AFF3: variants seen among roughly 807,000 people sequenced by gnomAD.
AFF3 encodes the protein ALF transcription elongation factor 3.
AFF3 carries 32 observed loss-of-function variants against 129.7 expected under a neutral mutation model. The observed-to-expected ratio is 0.25, with a 90% confidence interval of 0.19 to 0.33. The LOEUF is 0.33. Ranked by LOEUF, AFF3 falls within the 10% of genes least tolerant of loss-of-function variation. AFF3 has a pLI of 1.00. For synonymous variants in AFF3, 644 were observed against 635.4 expected, an observed-to-expected ratio of 1.01 and a Z score of -0.20; for missense variants, 1,373 against 1,592.0, an observed-to-expected ratio of 0.86 and a Z score of 2.34.
chr2:99,602,369 C>T (rs1220707971), intron 13 of AFF3, among the ~76,000 whole-genome samples: 1 of 152,162 alleles, frequency 6.6e-6, no homozygotes, highest in Non-Finnish European at 1.5e-5. Flanking sequence ...CTGCATTTCA[C>T]ATTTATACTT....
rs1045126374 is a variant in AFF3 at position 99,550,195 on chromosome 2, A to G, written c.*1279T>C. 3.0e-5 allele frequency: 7 copies of G among 230,482 alleles called. No individual in the cohort carries two copies. Among genetic ancestry groups the G allele is most frequent in the Admixed American group, 5.7e-5 (1 of 17,674 alleles). The allele number at this position is 230,482 out of a possible 1,614,324, so 14.3% of individuals were successfully genotyped here. Reference sequence around the variant, plus strand: ...ACTAAAATGTAAACTTAATTAAAAAAAGAAAACAAGAGAAAAACTCAGAGC... The same window carrying G: ...ACTAAAATGTAAACTTAATTAAAAAGAGAAAACAAGAGAAAAACTCAGAGC... On this transcript the variant is annotated 3_prime_UTR_variant, in exon 25 of 25. Transcript: ENST00000672756.
chr2:100,022,810 T>C (rs1228633352), intron 4 of AFF3, among the ~76,000 whole-genome samples: 3 of 152,156 alleles, frequency 2.0e-5, no homozygotes, highest in African/African-American at 4.8e-5. Flanking sequence ...TGGAGATAAA[T>C]TTATTAATGT....
At chr2:99,770,939 G>T (rs1683426506) in intron 8 of AFF3, among the ~76,000 whole-genome samples, 1 of 152,136 alleles carries the variant, frequency 6.6e-6, no homozygotes, top group African/African-American at 2.4e-5. Context: ...TGGGAGCTTT[G>T]TTGCCTGGGT....
intron 13 of AFF3, among the ~76,000 whole-genome samples, chr2:99,642,119 G>A (rs372850831): frequency 4.6e-5 from 7 of 152,152 alleles, no homozygotes; most frequent in East Asian, 1.9e-4. Flanking sequence ...TCATGTCAAC[G>A]GTACGAAGCA....
intron 13 of AFF3, among the ~76,000 whole-genome samples, chr2:99,621,067 G>GT (rs1681955228): frequency 6.6e-6 from 1 of 152,118 alleles, no homozygotes; most frequent in African/African-American, 2.4e-5. Flanking sequence ...TTAACACACC[G>GT]TTTTTTAAAT....
At chr2:99,774,427 A>G (rs1683731608) in intron 8 of AFF3, among the ~76,000 whole-genome samples, 1 of 152,210 alleles carries the variant, frequency 6.6e-6, no homozygotes, top group Non-Finnish European at 1.5e-5. Flanking sequence ...GAGAACCCAG[A>G]AATAAGACCA....
At chr2:99,868,728 C>G (rs1691634484) in intron 7 of AFF3, among the ~76,000 whole-genome samples, 1 of 152,040 alleles carries the variant, frequency 6.6e-6, no homozygotes, top group Non-Finnish European at 1.5e-5. Context: ...TCACTGTGTT[C>G]TCTTTTGTAT....
intron 7 of AFF3, among the ~76,000 whole-genome samples, chr2:99,868,390 T>C (rs1200415367): frequency 2.0e-5 from 3 of 152,132 alleles, no homozygotes; most frequent in Non-Finnish European, 1.5e-5. Context: ...TGCAACCTAC[T>C]GAAATCCAAC....
At chr2:99,594,549 C>T (rs1425691946) in intron 14 of AFF3, among the ~76,000 whole-genome samples, 1 of 152,150 alleles carries the variant, frequency 6.6e-6, no homozygotes, top group Non-Finnish European at 1.5e-5. Context: ...ATAAGGAAAG[C>T]ATTGTGTCTC....
intron 7 of AFF3, among the ~76,000 whole-genome samples, chr2:99,930,470 G>A (rs1205064877): frequency 6.6e-6 from 1 of 152,176 alleles, no homozygotes; most frequent in Non-Finnish European, 1.5e-5. Context: ...TGTTTTGAGA[G>A]GAGAGAAGAA....
intron 7 of AFF3, among the ~76,000 whole-genome samples, chr2:99,848,009 C>T (rs936538614): frequency 2.6e-5 from 4 of 152,034 alleles, no homozygotes; most frequent in African/African-American, 9.7e-5. Flanking sequence ...AGGCTGGGTG[C>T]GGTGGCTCAT....
intron 4 of AFF3, among the ~76,000 whole-genome samples, chr2:100,065,024 C>G (rs555073950): frequency 6.6e-6 from 1 of 152,218 alleles, no homozygotes; most frequent in African/African-American, 2.4e-5. Context: ...AGTTCATAGA[C>G]AAGTTAACCT....
At chr2:100,061,354 T>A (rs1687255812) in intron 4 of AFF3, among the ~76,000 whole-genome samples, 2 of 152,026 alleles carry the variant, frequency 1.3e-5, no homozygotes. Context: ...CAAGTGACAG[T>A]GTACGGCCCT....
At chr2:99,718,958 A>G (rs1002417573) in intron 11 of AFF3, among the ~76,000 whole-genome samples, 3 of 151,322 alleles carry the variant, frequency 2.0e-5, no homozygotes, top group Admixed American at 6.6e-5. Flanking sequence ...CACCGTGTTA[A>G]GCCAGGATGG....
rs569350247 is a variant in AFF3 at position 99,794,143 on chromosome 2, T to C, written c.922-41842A>G. Among the ~76,000 whole-genome samples the C allele has an allele frequency of 2.0e-5, 3 of 152,354 alleles. No individual in the cohort carries two copies. The South Asian group carries it at 6.2e-4, about 32-fold the overall frequency. ...TCTGTATTTCAGTCCTTCTAATTTATTGAGATTGGTTTTATACCCAGAACA... is the reference window on the plus strand; with the variant it reads ...TCTGTATTTCAGTCCTTCTAATTTACTGAGATTGGTTTTATACCCAGAACA... On this transcript the variant is annotated intron_variant, in intron 8 of 24. Transcript: ENST00000672756.
chr2:100,102,484 TG>T (rs936011046), intron 4 of AFF3, among the ~76,000 whole-genome samples: 3 of 152,170 alleles, frequency 2.0e-5, no homozygotes, highest in African/African-American at 7.2e-5. Context: ...TGTAAGTTTT[TG>T]TTTTTTTTAA....
chr2:99,594,148 G>T lies in AFF3; in HGVS notation c.1513C>A (p.Gln505Lys). Reference sequence around the variant, plus strand: ...ACGTCGGGGACTTTCCCACAGTCCTGGACGTCCTCTTTCACCGGGTTGTAG... The same window carrying T: ...ACGTCGGGGACTTTCCCACAGTCCTTGACGTCCTCTTTCACCGGGTTGTAG... ...QYYNPVKEDV[Q>K]DCGKVPDVCQ... The change falls in exon 15 of 25, where the codon CAG becomes AAG. Residue 505 changes from glutamine to lysine, a missense_variant. This residue lies in a region of AFF3 where 413 missense variants were observed against 424.4 expected (regional missense o/e 0.97). Transcript: ENST00000672756. The T allele has an allele frequency of 6.2e-7, 1 of 1,614,112 alleles. No homozygotes were observed. Among genetic ancestry groups the T allele is most frequent in the Non-Finnish European group, 8.5e-7 (1 of 1,180,018 alleles).
intron 4 of AFF3, among the ~76,000 whole-genome samples, chr2:100,051,700 C>G (rs1686351723): frequency 1.3e-5 from 2 of 152,168 alleles, no homozygotes; most frequent in Admixed American, 1.3e-4. Flanking sequence ...GTGTCCGCCT[C>G]TGTGTGTTCA....
chr2:99,592,301 T>A lies in AFF3; in HGVS notation c.2466+894A>T, dbSNP rs116365091. Among the ~76,000 whole-genome samples the A allele has an allele frequency of 3.7e-3, 569 of 152,240 alleles. 4 individuals carry two copies. Among genetic ancestry groups the A allele is most frequent in the African/African-American group, 0.013 (543 of 41,542 alleles). ...TCCTGACCCTGGACGTATTCAAATA[T>A]CCCTCCTCTACAGAGCCCTGTTTTC... On this transcript the variant is annotated intron_variant, in intron 15 of 24. Coordinates refer to ENST00000672756, the MANE Select transcript of AFF3 (RefSeq NM_001386135.1).
Sources: allele counts gnomAD v4.1 joint callset (sites outside exome capture counted in the v4.1 genomes callset), GRCh38; gene constraint gnomAD v4.1.1; regional missense constraint gnomAD v4.1.1; transcripts MANE v1.5; gene names NCBI Gene and HGNC (gene_info 2026-07-23, HGNC 2026-07-21).